PKDCC: variants seen among roughly 807,000 people sequenced by gnomAD.
PKDCC encodes the protein extracellular tyrosine-protein kinase PKDCC.
PKDCC carries 35 observed loss-of-function variants against 44.7 expected under a neutral mutation model. The ratio of observed to expected loss-of-function variants is 0.78; its 90% confidence interval spans 0.60 to 1.04. The LOEUF (loss-of-function observed/expected upper bound fraction) is 1.04. PKDCC is among the 50% of genes least tolerant of loss of function. The pLI is 0.00. For missense variants in PKDCC, 738 were observed against 672.7 expected (o/e 1.10, Z -1.07); for synonymous variants, 353 against 303.3 (o/e 1.16, Z -1.70).
rs1019421096 is a variant in PKDCC, at chr2:42,051,571, T to G, written c.640-1668T>G. Among the ~76,000 whole-genome samples the G allele has an allele frequency of 1.3e-5, 2 of 152,132 alleles. No individual in the cohort carries two copies. The highest frequency in any genetic ancestry group is 2.9e-5 in the Non-Finnish European group (2 of 68,014). On this transcript the variant is annotated intron_variant, in intron 1 of 6. Coordinates refer to ENST00000294964, the MANE Select transcript of PKDCC (RefSeq NM_138370.3). This position sits in a 1 kb window ranked among gnomAD's most constrained non-coding sequence, Gnocchi z 4.2. ...AGCGCATTTAACGACCTCCGGGTGT[T>G]TAATAACCTTCAGAAGTTTCCCACA...
At position 42,054,913 on chromosome 2, in the gene PKDCC, C is replaced by T; in HGVS notation, c.1035-28C>T. The T allele has an allele frequency of 6.3e-7, 1 of 1,594,954 alleles. No individual in the cohort carries two copies. Among genetic ancestry groups the T allele is most frequent in the Non-Finnish European group, 8.6e-7 (1 of 1,162,528 alleles). On this transcript the variant is annotated intron_variant, in intron 3 of 6. Transcript: ENST00000294964. This position sits in a 1 kb window ranked among gnomAD's most constrained non-coding sequence, Gnocchi z 6.1. ...GGATGTGTCTCCAAAGGCTGGATTC[C>T]TGAGCCACTGGTTTCCCTCTGCCAC...
intron 1 of PKDCC, among the ~76,000 whole-genome samples, chr2:42,050,280 G>A (rs13408547): frequency 4.6e-5 from 7 of 152,146 alleles, no homozygotes; most frequent in Non-Finnish European, 8.8e-5. Context: ...ATTCTAACTG[G>A]GAGGATCTTG....
In PKDCC at chr2:42,055,418, A is replaced by G; in HGVS notation, c.1222+25A>G. 1 of 1,603,356 alleles carries G rather than the reference A, an allele frequency of 6.2e-7. No homozygotes were observed. The highest frequency in any genetic ancestry group is 8.5e-7 in the Non-Finnish European group (1 of 1,173,204). ...GGTGAGTGGCCCCAAGCTGATCCAC[A>G]GGGAAGCAAGAAACAGGTGGGAGGG... On this transcript the variant is annotated intron_variant, in intron 5 of 6. Transcript: ENST00000294964. The surrounding 1 kb of genome is among the most constrained non-coding windows in gnomAD (Gnocchi z 4.5).
chr2:42,048,096 C>A lies in PKDCC; in HGVS notation c.-104C>A. 1.5e-6 allele frequency: 1 copy of A among 650,000 alleles called. No homozygotes were observed. Among genetic ancestry groups the A allele is most frequent in the Non-Finnish European group, 1.8e-6 (1 of 541,342 alleles). 40.3% of individuals were successfully genotyped at this position (650,000 alleles called of 1,614,324 possible). On this transcript the variant is annotated 5_prime_UTR_variant, in exon 1 of 7. Transcript: ENST00000294964. The surrounding 1 kb of genome is among the most constrained non-coding windows in gnomAD (Gnocchi z 6.2). ...GCCGGGGCCATGCGCGCGGGCTGGGCAGGGGGCCGGCGGGGCGCAGAGCGG... is the reference window on the plus strand; with the variant it reads ...GCCGGGGCCATGCGCGCGGGCTGGGAAGGGGGCCGGCGGGGCGCAGAGCGG...
chr2:42,048,435 C>A lies in PKDCC; in HGVS notation c.236C>A (p.Ala79Glu). ...TCCCGCGGGGGCCCCGGGCCCGGGG[C>A]GGGCCGGCCGGAGCGGCGGCGCCTG... The part of the protein sequence containing the change: ...RYSRGGPGPG[A>E]GRPERRRLMD... The change falls in exon 1 of 7, where the codon GCG (alanine) becomes GAG (glutamate). Residue 79 changes from alanine (A) to glutamate (E), a missense_variant. Coordinates refer to ENST00000294964, the MANE Select transcript of PKDCC (RefSeq NM_138370.3). This position sits in a 1 kb window ranked among gnomAD's most constrained non-coding sequence, Gnocchi z 6.2. 2.7e-6 allele frequency: 3 copies of A among 1,113,146 alleles called. No homozygotes were observed. The South Asian group carries it at 1.2e-4, about 43-fold the overall frequency. The allele number at this position is 1,113,146 out of a possible 1,614,324, so 69.0% of individuals were successfully genotyped here. A position where few individuals can be genotyped will look rare whatever the true frequency, so the allele number is the denominator to read the frequency against.
chr2:42,053,135 C>G (rs892180991), intron 1 of PKDCC, 104 bp from the exon 2 acceptor site: 3 of 1,314,164 alleles, frequency 2.3e-6, no homozygotes, highest in African/African-American at 1.5e-5. Flanking sequence ...GAAGCAAAGG[C>G]CTGGGGATGG....
At chr2:42,053,849 A>G (rs528746228) in intron 2 of PKDCC, among the ~76,000 whole-genome samples, 187 bp from the exon 3 acceptor site, 7 of 152,244 alleles carry the variant, frequency 4.6e-5, no homozygotes, top group South Asian at 4.1e-4. Flanking sequence ...GCCGAGAGTT[A>G]ATAGAAAATC....
chr2:42,050,700 C>G (rs569020870), intron 1 of PKDCC, among the ~76,000 whole-genome samples: 1 of 152,200 alleles, frequency 6.6e-6, no homozygotes, highest in East Asian at 1.9e-4. Flanking sequence ...GAGTCCCAGA[C>G]GAGAGTTAGT....
rs888646192 is a variant in PKDCC at position 42,049,000 on chromosome 2, G to T, written c.639+162G>T. Among the ~76,000 whole-genome samples, 6 of 152,126 alleles carry T rather than the reference G, an allele frequency of 3.9e-5. No homozygotes were observed. The highest frequency in any genetic ancestry group is 2.6e-4 in the Admixed American group (4 of 15,278). On this transcript the variant is annotated intron_variant, in intron 1 of 6. Transcript: ENST00000294964. The surrounding 1 kb of genome is among the most constrained non-coding windows in gnomAD (Gnocchi z 6.2). The stretch of plus-strand genomic sequence containing the variant: ...ATGGCCCTTCCCACTGCACCACCCT[G>T]CTTCTCACTCCTGGGTGGGCGTCCC...
In PKDCC at chr2:42,054,111, C is replaced by G. The variant is rs779893968; in HGVS notation, c.838C>G (p.Arg280Gly). ...PLGSVTLLDF[R>G]PRQFVLVDGE... ...GGGCTCCGTCACTCTGCTGGACTTC[C>G]GCCCTCGGCAGTTTGTGCTGGTGGA... Residue 280 changes from arginine (R) to glycine (G), a missense_variant, in exon 3 of 7, where the codon CGC becomes GGC. Coordinates refer to ENST00000294964, the MANE Select transcript of PKDCC (RefSeq NM_138370.3). The surrounding 1 kb of genome is among the most constrained non-coding windows in gnomAD (Gnocchi z 6.1). 1.2e-6 allele frequency: 2 copies of G among 1,613,170 alleles called. No individual in the cohort carries two copies. Among genetic ancestry groups the G allele is most frequent in the Non-Finnish European group, 1.7e-6 (2 of 1,179,864 alleles).
Position 42,054,070 on chromosome 2 carries a change from T to A in PKDCC, c.797T>A (p.Leu266Gln), listed in dbSNP as rs749057996. ...AGCCTGGGCCGCCTCCTCCACCACCTGGCCCACTCCCCACTGGGCTCCGTC... is the reference window on the plus strand; with the variant it reads ...AGCCTGGGCCGCCTCCTCCACCACCAGGCCCACTCCCCACTGGGCTCCGTC... ...CLSLGRLLHH[L>Q]AHSPLGSVTL... Residue 266 changes from leucine to glutamine, a missense_variant, in exon 3 of 7, where the codon CTG becomes CAG. Transcript: ENST00000294964. The surrounding 1 kb of genome is among the most constrained non-coding windows in gnomAD (Gnocchi z 6.1). The A allele has an allele frequency of 2.5e-6, 4 of 1,612,248 alleles. No individual in the cohort carries two copies. The highest frequency in any genetic ancestry group is 3.4e-6 in the Non-Finnish European group (4 of 1,179,854).
rs181572610 is a variant in PKDCC, at chr2:42,058,399, G to A, written c.*711G>A. 5.3e-4 allele frequency: 81 copies of A among 152,640 alleles called. No homozygotes were observed. The highest frequency in any genetic ancestry group is 1.7e-3 in the African/African-American group (72 of 41,526). The allele number at this position is 152,640 out of a possible 1,614,324, so 9.5% of individuals were successfully genotyped here. A position where few individuals can be genotyped will look rare whatever the true frequency, so the allele number is the denominator to read the frequency against. The stretch of plus-strand genomic sequence containing the variant: ...AAAGCCTCAAAGCAGCCAAAACCAG[G>A]CTTTCCCCCTTCCTCGAGTTTGAAT... On this transcript the variant is annotated 3_prime_UTR_variant, in exon 7 of 7. Transcript: ENST00000294964. This position sits in a 1 kb window ranked among gnomAD's most constrained non-coding sequence, Gnocchi z 4.2.
chr2:42,053,601 T>C, intron 2 of PKDCC: 1 of 568,600 alleles, frequency 1.8e-6, no homozygotes, highest in Non-Finnish European at 3.0e-6. Flanking sequence ...CACACCAGCT[T>C]GTGGGGGCTG....
intron 1 of PKDCC, 39 bp from the exon 2 acceptor site, chr2:42,053,200 C>G (rs1231880144): frequency 2.1e-6 from 3 of 1,401,202 alleles, no homozygotes; most frequent in Non-Finnish European, 2.0e-6. Context: ...TCCCCACCCC[C>G]ACCCTGTGAC....
chr2:42,049,744 C>A (rs967571791), intron 1 of PKDCC, among the ~76,000 whole-genome samples: 1 of 152,180 alleles, frequency 6.6e-6, no homozygotes, highest in Non-Finnish European at 1.5e-5. Flanking sequence ...GTCCCAGCAC[C>A]GCCCTAACAC....
chr2:42,051,324 C>T lies in PKDCC; in HGVS notation c.640-1915C>T, dbSNP rs1165634292. Among the ~76,000 whole-genome samples, 2 of 151,646 alleles carry T rather than the reference C, an allele frequency of 1.3e-5. No homozygotes were observed. The highest frequency in any genetic ancestry group is 1.5e-5 in the Non-Finnish European group (1 of 67,860). On this transcript the variant is annotated intron_variant, in intron 1 of 6. Transcript: ENST00000294964. This position sits in a 1 kb window ranked among gnomAD's most constrained non-coding sequence, Gnocchi z 4.2. ...AGGGCACAAGGGTCTCCCCTCCCCT[C>T]AACCTCTCCCCACCTCCCCCTCCCC...
rs1230732775 is a variant in PKDCC, at chr2:42,048,327, C to T, written c.128C>T (p.Pro43Leu). ...PRPGQSPEPSPAPGPGRRGGR... is the reference protein window; with the variant it reads ...PRPGQSPEPSLAPGPGRRGGR... ...CCAGGCCAGTCCCCTGAGCCTTCGC[C>T]GGCCCCGGGTCCGGGCCGTCGCGGG... The change falls in exon 1 of 7, where the codon CCG becomes CTG. Residue 43 changes from proline (P) to leucine (L), a missense_variant. Coordinates refer to ENST00000294964, the MANE Select transcript of PKDCC (RefSeq NM_138370.3). This position sits in a 1 kb window ranked among gnomAD's most constrained non-coding sequence, Gnocchi z 6.2. 2.4e-5 allele frequency: 28 copies of T among 1,185,976 alleles called. No homozygotes were observed. Among genetic ancestry groups the T allele is most frequent in the Non-Finnish European group, 2.8e-5 (27 of 957,958 alleles). The allele number at this position is 1,185,976 out of a possible 1,614,324, so 73.5% of individuals were successfully genotyped here. A position where few individuals can be genotyped will look rare whatever the true frequency, so the allele number is the denominator to read the frequency against.
In PKDCC at chr2:42,048,220, AGTGGCC is replaced by A; in HGVS notation, c.23_28del (p.Val8_Ala9del). 1 of 1,208,968 alleles carries A rather than the reference AGTGGCC, an allele frequency of 8.3e-7. No homozygotes were observed. The highest frequency in any genetic ancestry group is 1.0e-6 in the Non-Finnish European group (1 of 964,098). The allele number at this position is 1,208,968 out of a possible 1,614,324, so 74.9% of individuals were successfully genotyped here. A position where few individuals can be genotyped will look rare whatever the true frequency, so the allele number is the denominator to read the frequency against. On this transcript the variant is annotated inframe_deletion, in exon 1 of 7. Coordinates refer to ENST00000294964, the MANE Select transcript of PKDCC (RefSeq NM_138370.3). The surrounding 1 kb of genome is among the most constrained non-coding windows in gnomAD (Gnocchi z 6.2). ...GAGCGATGCGGCGCCGGCGGGCGGCAGTGGCCGCGGGTTTCTGCGCCTCCTTCCTGC... is the reference window on the plus strand; with the variant it reads ...GAGCGATGCGGCGCCGGCGGGCGGCAGCGGGTTTCTGCGCCTCCTTCCTGC...
In PKDCC at chr2:42,052,318, C is replaced by T. The variant is rs1001004575; in HGVS notation, c.640-921C>T. ...AGTCTAAGGGAACTTGCTTTTCCTCCCTCAAGACCCACGCAGAGAAAATTG... is the reference window on the plus strand; with the variant it reads ...AGTCTAAGGGAACTTGCTTTTCCTCTCTCAAGACCCACGCAGAGAAAATTG... On this transcript the variant is annotated intron_variant, in intron 1 of 6. Transcript: ENST00000294964. The surrounding 1 kb of genome is among the most constrained non-coding windows in gnomAD (Gnocchi z 4.3). 3.9e-5 allele frequency among the ~76,000 whole-genome samples: 6 copies of T among 152,126 alleles called. No individual in the cohort carries two copies. The highest frequency in any genetic ancestry group is 8.8e-5 in the Non-Finnish European group (6 of 68,032).
Sources: gnomAD v4.1 joint callset for allele counts (sites outside exome capture counted in the v4.1 genomes callset) on GRCh38, gnomAD v4.1.1 for gene constraint, Gnocchi (gnomAD v3.1) non-coding constraint, MANE v1.5 for transcripts, NCBI Gene and HGNC (gene_info 2026-07-23, HGNC 2026-07-21) for gene names.